The following NELL1 variants were observed in gnomAD, a reference collection of about 807,000 sequenced individuals.
The protein encoded by NELL1 is protein kinase C-binding protein NELL1.
A neutral mutation model predicts 107.4 loss-of-function variants in NELL1; 76 were observed. That is an observed-to-expected ratio of 0.71 (90% CI 0.59 to 0.86). NELL1 has a LOEUF of 0.86. Among genes scored for constraint, NELL1 ranks in the 40% least tolerant of loss-of-function variants. The pLI, the probability that NELL1 is intolerant of heterozygous loss-of-function variation, is 0.00. For missense variants in NELL1, 1,024 were observed against 1,005.5 expected, an observed-to-expected ratio of 1.02 and a Z score of -0.25; for synonymous variants, 353 against 341.2, an observed-to-expected ratio of 1.03 and a Z score of -0.38.
intron 2 of NELL1, among the ~76,000 whole-genome samples, chr11:20,699,718 AATTGCTG>A (rs751925779): frequency 6.6e-6 from 1 of 152,158 alleles, no homozygotes; most frequent in Non-Finnish European, 1.5e-5. Flanking sequence ...ATATTTTTGC[AATTGCTG>A]ATTGCGCTGC....
chr11:21,057,092 A>T (rs2134356409), intron 12 of NELL1, among the ~76,000 whole-genome samples: 1 of 152,230 alleles, frequency 6.6e-6, no homozygotes, highest in Admixed American at 6.6e-5. Context: ...TATATGAGTG[A>T]GTGTATGCTT....
chr11:20,992,834 C>G (rs1565004266), intron 12 of NELL1, among the ~76,000 whole-genome samples: 1 of 151,570 alleles, frequency 6.6e-6, no homozygotes, highest in Admixed American at 6.6e-5. Flanking sequence ...CCTGCCTCAG[C>G]CTCCTGAGTA....
At chr11:20,750,285 A>G (rs1302367011) in intron 2 of NELL1, among the ~76,000 whole-genome samples, 2 of 152,130 alleles carry the variant, frequency 1.3e-5, no homozygotes, top group African/African-American at 4.8e-5. Flanking sequence ...TATTTAAAAA[A>G]TGGACTTGTA....
chr11:21,357,728 C>T (rs1850969956), intron 14 of NELL1, among the ~76,000 whole-genome samples: 1 of 152,164 alleles, frequency 6.6e-6, no homozygotes, highest in Admixed American at 6.5e-5. Context: ...CCTAAGCCAA[C>T]AACTAGAAGA....
At chr11:21,169,719 G>T in intron 13 of NELL1, 1 of 741,582 alleles carries the variant, frequency 1.3e-6, no homozygotes, top group East Asian at 2.8e-5. Flanking sequence ...TCATCTTTTG[G>T]CACAGAAGTA....
intron 14 of NELL1, among the ~76,000 whole-genome samples, chr11:21,252,635 T>TA (rs1858669708): frequency 6.6e-6 from 1 of 152,168 alleles, no homozygotes; most frequent in South Asian, 2.1e-4. Flanking sequence ...TGTAATGAAT[T>TA]TATAATTGGG....
intron 9 of NELL1, among the ~76,000 whole-genome samples, chr11:20,933,585 C>G (rs550154043): frequency 6.6e-6 from 1 of 152,314 alleles, no homozygotes; most frequent in African/African-American, 2.4e-5. Flanking sequence ...TCTCTCTGAT[C>G]TGCCACTCTC....
At chr11:21,405,753 A>G (rs548286367) in intron 15 of NELL1, among the ~76,000 whole-genome samples, 51 of 152,100 alleles carry the variant, frequency 3.4e-4, no homozygotes, top group African/African-American at 1.2e-3. Flanking sequence ...AAAGATGGAC[A>G]CATCATCTTT....
intron 16 of NELL1, among the ~76,000 whole-genome samples, chr11:21,553,300 GGA>G (rs1856634804): frequency 2.0e-5 from 3 of 151,752 alleles, no homozygotes; most frequent in African/African-American, 7.3e-5. Flanking sequence ...AGTGCAGACA[GGA>G]AAAACATACT....
chr11:21,166,412 T>G (rs995897515), intron 13 of NELL1, among the ~76,000 whole-genome samples: 1 of 151,912 alleles, frequency 6.6e-6, no homozygotes, highest in African/African-American at 2.4e-5. Flanking sequence ...TACAAATTAA[T>G]TTAAAATGAC....
chr11:21,339,990 G>T (rs146891365), intron 14 of NELL1, among the ~76,000 whole-genome samples: 23 of 152,272 alleles, frequency 1.5e-4, no homozygotes, highest in African/African-American at 5.5e-4. Context: ...GAATTGTTCT[G>T]TCTTCCTCCC....
intron 13 of NELL1, among the ~76,000 whole-genome samples, chr11:21,122,538 A>T (rs1463705852): frequency 2.0e-5 from 3 of 152,168 alleles, no homozygotes. Flanking sequence ...GAAGTGCCTT[A>T]AGATTTTTTC....
At chr11:21,389,612 C>T (rs896652296) in intron 15 of NELL1, among the ~76,000 whole-genome samples, 1 of 151,800 alleles carries the variant, frequency 6.6e-6, no homozygotes, top group Non-Finnish European at 1.5e-5. Flanking sequence ...GAACCACTCT[C>T]CTGGCTTCCA....
intron 13 of NELL1, among the ~76,000 whole-genome samples, chr11:21,116,335 C>G (rs1057486685): frequency 6.6e-6 from 1 of 151,804 alleles, no homozygotes; most frequent in African/African-American, 2.4e-5. Flanking sequence ...CCCTCCGGTT[C>G]TATCCTGGTC....
At chr11:21,348,358 C>T (rs757986440) in intron 14 of NELL1, among the ~76,000 whole-genome samples, 4 of 152,054 alleles carry the variant, frequency 2.6e-5, no homozygotes, top group East Asian at 1.9e-4. Context: ...TTATGTGTAC[C>T]GGACCCTGTG....
rs1850325930 is a variant in NELL1 at position 20,919,264 on chromosome 11, G to T, written c.689G>T (p.Cys230Phe). The T allele has an allele frequency of 1.2e-6, 2 of 1,600,046 alleles. No homozygotes were observed. The highest frequency in any genetic ancestry group is 1.7e-6 in the Non-Finnish European group (2 of 1,170,516). ...TTTCTTTATTGAGCTTGCCCAACCTGCAGTGATTTCTTAAGCCTGGTGCAA... is the reference window on the plus strand; with the variant it reads ...TTTCTTTATTGAGCTTGCCCAACCTTCAGTGATTTCTTAAGCCTGGTGCAA... ...CPNLNHTCPT[C>F]SDFLSLVQGI... The change falls in exon 7 of 20, where the codon TGC (cysteine) becomes TTC (phenylalanine). Residue 230 changes from cysteine (C) to phenylalanine (F), a missense_variant. Cys to Phe is a radical substitution (Grantham distance 205). Coordinates refer to ENST00000357134, the MANE Select transcript of NELL1 (RefSeq NM_006157.5).
intron 16 of NELL1, among the ~76,000 whole-genome samples, chr11:21,549,318 A>C (rs1466469474): frequency 6.6e-6 from 1 of 151,940 alleles, no homozygotes; most frequent in Non-Finnish European, 1.5e-5. Flanking sequence ...AGGTATTGTT[A>C]TTATGCATAA....
chr11:20,715,867 G>A lies in NELL1; in HGVS notation c.184+37807G>A, dbSNP rs530583661. ...CAGCTATTTCAATGTAGCCTTTGTG[G>A]ATATTTGACATGGGCTTTCTTGAGA... On this transcript the variant is annotated intron_variant, in intron 2 of 19. Coordinates refer to ENST00000357134, the MANE Select transcript of NELL1 (RefSeq NM_006157.5). Among the ~76,000 whole-genome samples, 64 of 152,228 alleles carry A rather than the reference G, an allele frequency of 4.2e-4. No individual in the cohort carries two copies. In the Middle Eastern group the frequency reaches 0.017, roughly 40 times the overall value.
At chr11:21,104,975 A>C (rs1450436155) in intron 12 of NELL1, among the ~76,000 whole-genome samples, 2 of 152,126 alleles carry the variant, frequency 1.3e-5, no homozygotes, top group Non-Finnish European at 2.9e-5. Context: ...CCTCACCCTC[A>C]TGACCTCATC....
Sources: gnomAD v4.1 joint callset for allele counts (sites outside exome capture counted in the v4.1 genomes callset) on GRCh38, gnomAD v4.1.1 for gene constraint, MANE v1.5 for transcripts, NCBI Gene and HGNC (gene_info 2026-07-23, HGNC 2026-07-21) for gene names.